Variants in BRAF observed in about 807,000 individuals in gnomAD.
BRAF encodes the protein serine/threonine-protein kinase B-raf.
A neutral mutation model predicts 104.6 loss-of-function variants in BRAF; 16 were observed. The observed-to-expected ratio is 0.15, with a 90% confidence interval of 0.10 to 0.23. The LOEUF (loss-of-function observed/expected upper bound fraction) is 0.23, where lower values mean the gene tolerates loss of function less well. BRAF is among the 10% of genes least tolerant of loss of function. The pLI, the probability that BRAF is intolerant of heterozygous loss-of-function variation, is 1.00. For missense variants in BRAF, 541 were observed against 937.3 expected, an observed-to-expected ratio of 0.58 and a Z score of 5.52; for synonymous variants, 310 against 341.6, an observed-to-expected ratio of 0.91 and a Z score of 1.02.
intron 3 of BRAF, among the ~76,000 whole-genome samples, chr7:140,822,759 T>C (rs926147924): frequency 9.2e-5 from 14 of 152,226 alleles, no homozygotes; most frequent in African/African-American, 3.1e-4. Context: ...TCTACGAACA[T>C]ATGCTCCCTT....
At chr7:140,774,380 ATATCACC>A (rs1435766887) in intron 14 of BRAF, among the ~76,000 whole-genome samples, 2 of 152,224 alleles carry the variant, frequency 1.3e-5, no homozygotes, top group Non-Finnish European at 1.5e-5. Flanking sequence ...TTTTGAAAAT[ATATCACC>A]TCTTCACTGA....
chr7:140,792,818 A>G (rs909977629), intron 8 of BRAF, among the ~76,000 whole-genome samples: 5 of 152,378 alleles, frequency 3.3e-5, no homozygotes, highest in African/African-American at 7.2e-5. Context: ...TAATGGAATC[A>G]TAAGTGCTTG....
intron 14 of BRAF, among the ~76,000 whole-genome samples, chr7:140,761,756 A>G (rs1329072241): frequency 3.9e-5 from 6 of 152,220 alleles, no homozygotes; most frequent in Non-Finnish European, 7.3e-5. Flanking sequence ...CTGATAAAAC[A>G]GACTTTAAAC....
intron 1 of BRAF, among the ~76,000 whole-genome samples, chr7:140,893,738 G>A (rs1191648880): frequency 6.6e-6 from 1 of 152,110 alleles, no homozygotes; most frequent in Non-Finnish European, 1.5e-5. Context: ...GGCAAAGACA[G>A]ATAAACACCA....
chr7:140,865,741 A>G (rs1810896468), intron 1 of BRAF, among the ~76,000 whole-genome samples: 1 of 152,222 alleles, frequency 6.6e-6, no homozygotes, highest in East Asian at 1.9e-4. Flanking sequence ...TAGGAGTTTG[A>G]TGATCATAGT....
At chr7:140,852,080 A>T (rs1334712786) in intron 1 of BRAF, among the ~76,000 whole-genome samples, 4 of 152,212 alleles carry the variant, frequency 2.6e-5, no homozygotes, top group African/African-American at 4.8e-5. Flanking sequence ...TGAGAACAGC[A>T]GAAGCTGGCC....
intron 5 of BRAF, among the ~76,000 whole-genome samples, chr7:140,806,527 C>G (rs1361281874): frequency 6.6e-6 from 1 of 152,126 alleles, no homozygotes; most frequent in African/African-American, 2.4e-5. Context: ...GTGGCAAGGA[C>G]CTTCCTGAGG....
chr7:140,747,213 A>G (rs1797423720), intron 17 of BRAF, among the ~76,000 whole-genome samples: 1 of 152,218 alleles, frequency 6.6e-6, no homozygotes, highest in South Asian at 2.1e-4. Context: ...TAAGTAGACT[A>G]GGGGGTAATG....
At chr7:140,790,711 A>AT (rs1355429158) in intron 8 of BRAF, among the ~76,000 whole-genome samples, 4 of 152,148 alleles carry the variant, frequency 2.6e-5, no homozygotes, top group South Asian at 4.2e-4. Flanking sequence ...AGCTCAAGGA[A>AT]TTTTACTACA....
rs1331397525 is a variant in BRAF, at chr7:140,924,877, A to AG, written c.-175dup. On this transcript the variant is annotated 5_prime_UTR_variant, in exon 1 of 20. Transcript: ENST00000644969. The surrounding 1 kb of genome is among the most constrained non-coding windows in gnomAD (Gnocchi z 4.2). ...GGGCGGAGGGCGCCTGGGCCACCTCAGGTACCGGCCCGCGGCCCCGGGCGC... is the reference window on the plus strand; with the variant it reads ...GGGCGGAGGGCGCCTGGGCCACCTCAGGGTACCGGCCCGCGGCCCCGGGCGC... 4.0e-5 allele frequency: 7 copies of AG among 176,016 alleles called. No individual in the cohort carries two copies. Among genetic ancestry groups the AG allele is most frequent in the Non-Finnish European group, 5.6e-5 (5 of 89,770 alleles). 10.9% of individuals were successfully genotyped at this position (176,016 alleles called of 1,614,324 possible).
intron 8 of BRAF, among the ~76,000 whole-genome samples, chr7:140,789,564 C>T (rs1801737928): frequency 6.6e-6 from 1 of 152,144 alleles, no homozygotes; most frequent in Non-Finnish European, 1.5e-5. Context: ...ATATAAAAAT[C>T]CTAGTGATGT....
intron 3 of BRAF, among the ~76,000 whole-genome samples, chr7:140,828,650 C>T (rs1461997949): frequency 6.6e-6 from 1 of 152,124 alleles, no homozygotes; most frequent in Non-Finnish European, 1.5e-5. Flanking sequence ...TGTGGCTGTA[C>T]CATGATTTAT....
At chr7:140,742,285 G>A (rs1006137415) in intron 17 of BRAF, among the ~76,000 whole-genome samples, 1 of 151,174 alleles carries the variant, frequency 6.6e-6, no homozygotes, top group African/African-American at 2.4e-5. Context: ...TCCCCTTCCT[G>A]GGTTCAAGAG....
At chr7:140,782,946 A>G (rs116901990) in intron 11 of BRAF, 75 bp downstream of exon 10, 1 of 1,509,344 alleles carries the variant, frequency 6.6e-7, no homozygotes, top group Non-Finnish European at 9.2e-7. Context: ...AATATATCTA[A>G]AGGATAATAT....
rs722011 is a variant in BRAF, at chr7:140,857,338, T to C, written c.139-7126A>G. On this transcript the variant is annotated intron_variant, in intron 1 of 19. Transcript: ENST00000644969. ...AGGCAAGAAATCAGATTTTTCCTTA[T>C]TGTCTCTAGAGAGAGCAAAGTCTTG... 7.3e-3 allele frequency among the ~76,000 whole-genome samples: 1,112 copies of C among 152,336 alleles called. 27 individuals are homozygous for C. The East Asian group carries it at 0.074, about 10-fold the overall frequency.
chr7:140,749,429 A>G lies in BRAF; in HGVS notation c.1981-11T>C. ...GATGACTTCTGGTGCCTGTTAGAACATACAAAGAAAAATATTCTTCACTTC... is the reference window on the plus strand; with the variant it reads ...GATGACTTCTGGTGCCTGTTAGAACGTACAAAGAAAAATATTCTTCACTTC... On this transcript the variant is annotated splice_polypyrimidine_tract_variant and intron_variant, in intron 16 of 19. Coordinates refer to ENST00000644969, the MANE Select transcript of BRAF (RefSeq NM_001374258.1). 6.2e-7 allele frequency: 1 copy of G among 1,612,336 alleles called. No homozygotes were observed. Among genetic ancestry groups the G allele is most frequent in the Non-Finnish European group, 8.5e-7 (1 of 1,179,042 alleles).
At position 140,918,634 on chromosome 7, in the gene BRAF, G is replaced by C. The variant is rs1461669400; in HGVS notation, c.138+5932C>G. ...TCAAACTGCCTGTTGCAGCCAATTT[G>C]GCTGTCAATTTCATAAGGTGATTTT... On this transcript the variant is annotated intron_variant, in intron 1 of 19. Transcript: ENST00000644969. Among the ~76,000 whole-genome samples, 6 of 152,226 alleles carry C rather than the reference G, an allele frequency of 3.9e-5. No homozygotes were observed. The East Asian group carries it at 1.2e-3, about 29-fold the overall frequency.
Position 140,720,856 on chromosome 7 carries a change from A to T in BRAF, c.*5638T>A, listed in dbSNP as rs1795285395. 1 of 1,065,148 alleles carries T rather than the reference A, an allele frequency of 9.4e-7. No homozygotes were observed. The highest frequency in any genetic ancestry group is 1.6e-5 in the African/African-American group (1 of 60,882). 66.0% of individuals were successfully genotyped at this position (1,065,148 alleles called of 1,614,324 possible). ...CTAAGCAACTTCATCAAAACCCCCA[A>T]TCCCACCCGTCAACAGACCCTTCCT... is the stretch of plus-strand genomic sequence containing the variant. On this transcript the variant is annotated 3_prime_UTR_variant, in exon 20 of 20. Transcript: ENST00000644969.
At chr7:140,798,336 C>T (rs958448143) in intron 7 of BRAF, among the ~76,000 whole-genome samples, 2 of 134,074 alleles carry the variant, frequency 1.5e-5, no homozygotes, top group Non-Finnish European at 3.0e-5. Context: ...GATCTCGGCC[C>T]GCTACAAGCT....
Sources: gnomAD v4.1 joint callset for allele counts (sites outside exome capture counted in the v4.1 genomes callset) on GRCh38, gnomAD v4.1.1 for gene constraint, Gnocchi (gnomAD v3.1) non-coding constraint, MANE v1.5 for transcripts, NCBI Gene and HGNC (gene_info 2026-07-23, HGNC 2026-07-21) for gene names.